ATXN7L1: variants seen among roughly 807,000 people sequenced by gnomAD.
ATXN7L1 encodes ataxin 7 like 1.
In ATXN7L1, 15 loss-of-function variants were observed where a neutral mutation model predicts 70.8. That is an observed-to-expected ratio of 0.21 (90% CI 0.14 to 0.33). ATXN7L1 has a LOEUF of 0.33. Ranked by LOEUF, ATXN7L1 falls within the 10% of genes least tolerant of loss-of-function variation. ATXN7L1 has a pLI of 1.00. For missense variants in ATXN7L1, 975 were observed against 1,097.1 expected (o/e 0.89, Z 1.57); for synonymous variants, 440 against 445.1 (o/e 0.99, Z 0.14).
chr7:105,623,972 C>T (rs1027330273), intron 8 of ATXN7L1, 103 bp downstream of exon 8: 2 of 1,096,378 alleles, frequency 1.8e-6, no homozygotes, highest in Admixed American at 4.1e-5. Context: ...AAACACTGCG[C>T]AGGCAGCCTT....
At chr7:105,848,151 C>T (rs866000467) in intron 2 of ATXN7L1, among the ~76,000 whole-genome samples, 1 of 152,150 alleles carries the variant, frequency 6.6e-6, no homozygotes, top group Admixed American at 6.5e-5. Context: ...AAATGTTCAA[C>T]CTTATTAGTA....
chr7:105,770,704 A>C (rs1801865459), intron 3 of ATXN7L1, among the ~76,000 whole-genome samples: 1 of 152,230 alleles, frequency 6.6e-6, no homozygotes, highest in Non-Finnish European at 1.5e-5. Context: ...CCAGACCTTA[A>C]GGAGACCTTT....
At chr7:105,649,499 C>A in intron 4 of ATXN7L1, 1 of 987,824 alleles carries the variant, frequency 1.0e-6, no homozygotes, top group Non-Finnish European at 1.2e-6. Flanking sequence ...GGCGGGTCCT[C>A]TGGCTTTAAG....
At chr7:105,714,048 A>T (rs1283354507) in intron 3 of ATXN7L1, among the ~76,000 whole-genome samples, 1 of 152,258 alleles carries the variant, frequency 6.6e-6, no homozygotes, top group Non-Finnish European at 1.5e-5. Flanking sequence ...AGAACTATCC[A>T]TTTGAAATAC....
At chr7:105,859,734 T>G (rs1183860878) in intron 2 of ATXN7L1, among the ~76,000 whole-genome samples, 1 of 151,636 alleles carries the variant, frequency 6.6e-6, no homozygotes, top group Non-Finnish European at 1.5e-5. Flanking sequence ...TCAGAACATA[T>G]CCCCATCATT....
intron 2 of ATXN7L1, among the ~76,000 whole-genome samples, chr7:105,852,958 C>T (rs988478874): frequency 2.0e-5 from 3 of 152,068 alleles, no homozygotes; most frequent in African/African-American, 7.2e-5. Context: ...CGCAAAAGGA[C>T]ACACACTGCA....
intron 3 of ATXN7L1, among the ~76,000 whole-genome samples, chr7:105,747,088 C>T (rs1239542013): frequency 1.3e-5 from 2 of 152,242 alleles, no homozygotes; most frequent in African/African-American, 4.8e-5. Context: ...TCTTAAAATC[C>T]TTAGAAGCGC....
intron 3 of ATXN7L1, among the ~76,000 whole-genome samples, chr7:105,758,633 G>T (rs1248128469): frequency 6.6e-6 from 1 of 152,236 alleles, no homozygotes; most frequent in Non-Finnish European, 1.5e-5. Flanking sequence ...CCCTGCCTGT[G>T]CCTAGGCCTC....
chr7:105,848,356 A>C (rs2116624643), intron 2 of ATXN7L1, among the ~76,000 whole-genome samples: 1 of 152,208 alleles, frequency 6.6e-6, no homozygotes, highest in African/African-American at 2.4e-5. Flanking sequence ...AAAACAGCAC[A>C]CTCTTAGACT....
chr7:105,792,525 C>T (rs1261043200), intron 2 of ATXN7L1, among the ~76,000 whole-genome samples: 1 of 152,210 alleles, frequency 6.6e-6, no homozygotes, highest in Non-Finnish European at 1.5e-5. Context: ...GAACTAATGA[C>T]AGGCATAATG....
intron 7 of ATXN7L1, among the ~76,000 whole-genome samples, chr7:105,637,223 G>A (rs1797517722): frequency 6.6e-6 from 1 of 152,172 alleles, no homozygotes; most frequent in African/African-American, 2.4e-5. Flanking sequence ...GTCAAACTAG[G>A]TCAGGCTTGC....
Position 105,761,147 on chromosome 7 carries a change from T to A in ATXN7L1, c.355+27457A>T, listed in dbSNP as rs931451653. The A allele has an allele frequency of 2.2e-5, 27 of 1,241,908 alleles. No individual in the cohort carries two copies. The African/African-American group carries it at 3.6e-4, about 17-fold the overall frequency. 76.9% of individuals were successfully genotyped at this position (1,241,908 alleles called of 1,614,324 possible). ...GAATTGATGGCAGCTTAGACCAGCT[T>A]TGTGGTGGTGAAAATGAAGAGAAGA... On this transcript the variant is annotated intron_variant, in intron 3 of 11. Coordinates refer to ENST00000419735, the MANE Select transcript of ATXN7L1 (RefSeq NM_020725.2).
chr7:105,649,878 C>T (rs766097759), intron 4 of ATXN7L1, among the ~76,000 whole-genome samples: 1 of 152,186 alleles, frequency 6.6e-6, no homozygotes, highest in African/African-American at 2.4e-5. Flanking sequence ...CCACCAATTC[C>T]TTCGACAAAA....
At chr7:105,673,231 A>T (rs927567951) in intron 3 of ATXN7L1, among the ~76,000 whole-genome samples, 1 of 152,210 alleles carries the variant, frequency 6.6e-6, no homozygotes, top group Non-Finnish European at 1.5e-5. Context: ...TCATGGAGAT[A>T]TTTTCATACT....
At chr7:105,660,456 T>C (rs1801409692) in intron 4 of ATXN7L1, among the ~76,000 whole-genome samples, 1 of 97,902 alleles carries the variant, frequency 1.0e-5, no homozygotes, top group South Asian at 2.7e-4. Flanking sequence ...CTCTCTTAGA[T>C]AGAATTTTTT....
At chr7:105,755,177 T>C (rs1331283134) in intron 3 of ATXN7L1, among the ~76,000 whole-genome samples, 1 of 152,106 alleles carries the variant, frequency 6.6e-6, no homozygotes, top group African/African-American at 2.4e-5. Flanking sequence ...AACTCATTCA[T>C]ATTAAGGTGT....
chr7:105,788,964 G>A (rs1204374), intron 2 of ATXN7L1, among the ~76,000 whole-genome samples: 16 of 152,288 alleles, frequency 1.1e-4, no homozygotes, highest in Middle Eastern at 3.4e-3. Context: ...CTGTGGTGTC[G>A]AGGGGCTGCT....
chr7:105,664,142 C>T (rs1400587702), intron 4 of ATXN7L1, among the ~76,000 whole-genome samples: 1 of 152,078 alleles, frequency 6.6e-6, no homozygotes, highest in Non-Finnish European at 1.5e-5. Flanking sequence ...CTCTTTCTCC[C>T]ATGGTCAGCT....
intron 3 of ATXN7L1, among the ~76,000 whole-genome samples, chr7:105,717,932 T>C (rs1211668939): frequency 6.6e-6 from 1 of 152,220 alleles, no homozygotes; most frequent in Non-Finnish European, 1.5e-5. Context: ...ATAAGAATTT[T>C]TGTAATGGTA....
Sources: allele counts gnomAD v4.1 joint callset (sites outside exome capture counted in the v4.1 genomes callset), GRCh38; gene constraint gnomAD v4.1.1; transcripts MANE v1.5; gene names NCBI Gene and HGNC (gene_info 2026-07-23, HGNC 2026-07-21).